Variants in SH3PXD2A observed in about 807,000 individuals in gnomAD.
The protein encoded by SH3PXD2A is SH3 and PX domain-containing protein 2A.
In SH3PXD2A, 32 loss-of-function variants were observed where a neutral mutation model predicts 115.2. That is an observed-to-expected ratio of 0.28 (90% CI 0.21 to 0.37). The LOEUF is 0.37. Ranked by LOEUF, SH3PXD2A falls within the 10% of genes least tolerant of loss-of-function variation. The pLI is 1.00. For missense variants in SH3PXD2A, 1,328 were observed against 1,498.7 expected (o/e 0.89, Z 1.88); for synonymous variants, 610 against 629.1 (o/e 0.97, Z 0.45).
intron 4 of SH3PXD2A, among the ~76,000 whole-genome samples, chr10:103,729,788 G>C (rs1175255137): frequency 6.6e-6 from 1 of 152,170 alleles, no homozygotes; most frequent in Non-Finnish European, 1.5e-5. Flanking sequence ...AGCCATTCAG[G>C]TTTTGCCATC....
chr10:103,779,414 G>A (rs2038911712), intron 2 of SH3PXD2A, among the ~76,000 whole-genome samples: 1 of 152,208 alleles, frequency 6.6e-6, no homozygotes, highest in Admixed American at 6.5e-5. Context: ...CCGGCTGCTT[G>A]TGAACTTCCC....
In SH3PXD2A at chr10:103,709,399, G is replaced by A. The variant is rs148121927; in HGVS notation, c.398+14871C>T. Among the ~76,000 whole-genome samples, 1,257 of 152,290 alleles carry A rather than the reference G, an allele frequency of 8.3e-3. 16 individuals are homozygous for A. The highest frequency in any genetic ancestry group is 0.029 in the African/African-American group (1,191 of 41,568). ...TGGGCTGGATGATGTCTGGGGAACT[G>A]AGCTCCAAAGCCTGGGACCAGGGGC... On this transcript the variant is annotated intron_variant, in intron 5 of 14. Transcript: ENST00000369774.
At chr10:103,769,909 A>G (rs973246393) in intron 2 of SH3PXD2A, among the ~76,000 whole-genome samples, 3 of 152,228 alleles carry the variant, frequency 2.0e-5, no homozygotes, top group African/African-American at 7.2e-5. Context: ...TATACAGATT[A>G]GGACTCCTAT....
chr10:103,824,833 C>T (rs1286987808), intron 1 of SH3PXD2A, among the ~76,000 whole-genome samples: 2 of 152,170 alleles, frequency 1.3e-5, no homozygotes, highest in Non-Finnish European at 2.9e-5. Context: ...GATACAGTCT[C>T]ACTCCATCAC....
At chr10:103,796,247 C>G (rs1287927920) in intron 2 of SH3PXD2A, among the ~76,000 whole-genome samples, 1 of 151,822 alleles carries the variant, frequency 6.6e-6, no homozygotes, top group Non-Finnish European at 1.5e-5. Flanking sequence ...TCTGTGATCC[C>G]AGCTACTTGG....
chr10:103,605,949 C>T (rs1301119527), intron 13 of SH3PXD2A, 32 bp from the exon 14 acceptor site: 1 of 1,609,448 alleles, frequency 6.2e-7, no homozygotes, highest in Non-Finnish European at 8.5e-7. Context: ...TGGGCAAAAC[C>T]CGCCTAAATC....
At position 103,784,682 on chromosome 10, in the gene SH3PXD2A, G is replaced by C. The variant is rs1028894636; in HGVS notation, c.153+16600C>G. ...TCCCAGTAAAAACTCGGGGGGTGCA[G>C]TGAGGAGGCAGGAGGATGGGTCTGC... On this transcript the variant is annotated intron_variant, in intron 2 of 14. Coordinates refer to ENST00000369774, the MANE Select transcript of SH3PXD2A (RefSeq NM_001394015.1). The surrounding 1 kb of genome is among the most constrained non-coding windows in gnomAD (Gnocchi z 4.4). Among the ~76,000 whole-genome samples, 1 of 152,120 alleles carries C rather than the reference G, an allele frequency of 6.6e-6. No homozygotes were observed. The highest frequency in any genetic ancestry group is 2.4e-5 in the African/African-American group (1 of 41,416).
At chr10:103,689,029 G>A (rs138767829) in intron 6 of SH3PXD2A, among the ~76,000 whole-genome samples, 169 of 152,120 alleles carry the variant, frequency 1.1e-3, no homozygotes, top group African/African-American at 4.0e-3. Flanking sequence ...ACTACATCCG[G>A]CTAATTTATT....
rs771136514 is a variant in SH3PXD2A at position 103,668,596 on chromosome 10, G to A, written c.472+12C>T. 8.4e-6 allele frequency: 13 copies of A among 1,552,022 alleles called. No individual in the cohort carries two copies. The highest frequency in any genetic ancestry group is 3.3e-4 in the Middle Eastern group (2 of 6,004). On this transcript the variant is annotated intron_variant, in intron 7 of 14. Transcript: ENST00000369774. ...CACATGCTCACACACATGCATGCAC[G>A]CTGGGCAGTACCTGTCACGTCCTTC...
At chr10:103,849,892 G>C (rs554087326) in intron 1 of SH3PXD2A, among the ~76,000 whole-genome samples, 21 of 152,252 alleles carry the variant, frequency 1.4e-4, no homozygotes, top group African/African-American at 4.1e-4. Context: ...GAACTCGAGA[G>C]GAGTAAGTGG....
chr10:103,787,281 A>G (rs1257801803), intron 2 of SH3PXD2A, among the ~76,000 whole-genome samples: 1 of 152,238 alleles, frequency 6.6e-6, no homozygotes, highest in Non-Finnish European at 1.5e-5. Context: ...CACAGCCAAG[A>G]AACCCAGGTA....
chr10:103,726,114 A>G (rs1246738396), intron 4 of SH3PXD2A, among the ~76,000 whole-genome samples: 1 of 152,204 alleles, frequency 6.6e-6, no homozygotes, highest in Non-Finnish European at 1.5e-5. Flanking sequence ...GGACGGGGAC[A>G]GGGAGCCGAG....
At chr10:103,825,353 T>C (rs939216325) in intron 1 of SH3PXD2A, among the ~76,000 whole-genome samples, 1 of 152,214 alleles carries the variant, frequency 6.6e-6, no homozygotes, top group Admixed American at 6.5e-5. Context: ...ACTCAAGGTA[T>C]AATGGCTGTT....
chr10:103,776,459 T>C (rs2038880852), intron 2 of SH3PXD2A, among the ~76,000 whole-genome samples: 1 of 150,142 alleles, frequency 6.7e-6, no homozygotes, highest in Non-Finnish European at 1.5e-5. Context: ...TGTGTGTGTG[T>C]GTGTGTGTGT....
At chr10:103,829,363 T>C (rs1207710257) in intron 1 of SH3PXD2A, among the ~76,000 whole-genome samples, 1 of 152,206 alleles carries the variant, frequency 6.6e-6, no homozygotes, top group East Asian at 1.9e-4. Context: ...AGAGGCTCTC[T>C]GAGTTACTCC....
At chr10:103,842,876 T>C (rs934601218) in intron 1 of SH3PXD2A, among the ~76,000 whole-genome samples, 3 of 152,180 alleles carry the variant, frequency 2.0e-5, no homozygotes, top group Non-Finnish European at 4.4e-5. Context: ...TGAATGAATA[T>C]GAGTAAGTAT....
At position 103,665,283 on chromosome 10, in the gene SH3PXD2A, A is replaced by G. The variant is rs1303310873; in HGVS notation, c.472+3325T>C. ...ACGAGCAGGAGGTGCTGGGGAGTGG[A>G]CAGACATCAGCTCATTTTAATCCAA... On this transcript the variant is annotated intron_variant, in intron 7 of 14. Transcript: ENST00000369774. This position sits in a 1 kb window ranked among gnomAD's most constrained non-coding sequence, Gnocchi z 4.0. Among the ~76,000 whole-genome samples the G allele has an allele frequency of 6.6e-6, 1 of 152,146 alleles. No individual in the cohort carries two copies. Among genetic ancestry groups the G allele is most frequent in the East Asian group, 1.9e-4 (1 of 5,192 alleles).
At chr10:103,727,606 C>G (rs2038256715) in intron 4 of SH3PXD2A, among the ~76,000 whole-genome samples, 1 of 152,300 alleles carries the variant, frequency 6.6e-6, no homozygotes, top group South Asian at 2.1e-4. Flanking sequence ...CAGTGTGCTG[C>G]CACTCACCCT....
At chr10:103,678,086 A>G (rs1200551005) in intron 6 of SH3PXD2A, 47 of 1,281,050 alleles carry the variant, frequency 3.7e-5, no homozygotes, top group Non-Finnish European at 4.7e-5. Flanking sequence ...ATTACCCCTA[A>G]GCAGTACAGT....
Sources: allele counts gnomAD v4.1 joint callset (sites outside exome capture counted in the v4.1 genomes callset), GRCh38; gene constraint gnomAD v4.1.1; non-coding constraint Gnocchi (gnomAD v3.1); transcripts MANE v1.5; gene names NCBI Gene and HGNC (gene_info 2026-07-23, HGNC 2026-07-21).